The following LRIG1 variants were observed in gnomAD, a reference collection of about 807,000 sequenced individuals.
LRIG1 encodes the protein leucine rich repeats and immunoglobulin like domains 1.
Under a neutral mutation model 99.2 loss-of-function variants are expected in LRIG1, and 48 were observed. The observed-to-expected ratio is 0.48, with a 90% CI of 0.38 to 0.62. LRIG1 has a LOEUF of 0.62. Ranked by LOEUF, LRIG1 falls within the 20% of genes least tolerant of loss-of-function variation. The pLI, the probability that LRIG1 is intolerant of heterozygous loss-of-function variation, is 0.00. For missense variants in LRIG1, 1,646 were observed against 1,434.4 expected (o/e 1.15, Z -2.38); for synonymous variants, 772 against 596.1 (o/e 1.29, Z -4.30).
At chr3:66,425,094 G>T (rs1329782397) in intron 3 of LRIG1, among the ~76,000 whole-genome samples, 34 of 152,210 alleles carry the variant, frequency 2.2e-4, no homozygotes, top group Admixed American at 2.2e-3. Flanking sequence ...AGAAATTGAG[G>T]CTCAGAAGTC....
intron 16 of LRIG1, 137 bp downstream of exon 16, chr3:66,382,136 A>C: frequency 1.0e-6 from 1 of 953,350 alleles, no homozygotes; most frequent in South Asian, 1.5e-5. Context: ...AGCAGCCCTT[A>C]GTCATACCGC....
chr3:66,495,121 C>CA (rs1262909618), intron 1 of LRIG1, among the ~76,000 whole-genome samples: 5 of 152,144 alleles, frequency 3.3e-5, no homozygotes, highest in Non-Finnish European at 5.9e-5. Flanking sequence ...AACTGACATA[C>CA]AAGAACTGAA....
chr3:66,445,461 CCAG>C (rs980863779), intron 3 of LRIG1, among the ~76,000 whole-genome samples: 1 of 151,970 alleles, frequency 6.6e-6, no homozygotes, highest in Admixed American at 6.6e-5. Flanking sequence ...GGTGGAGGGA[CCAG>C]CAGATAATTC....
At position 66,383,044 on chromosome 3, in the gene LRIG1, A is replaced by G. The variant is rs1701174740; in HGVS notation, c.2429T>C (p.Val810Ala). 6.2e-7 allele frequency: 1 copy of G among 1,614,014 alleles called. No homozygotes were observed. Among genetic ancestry groups the G allele is most frequent in the African/African-American group, 1.3e-5 (1 of 74,910 alleles). Residue 810 changes from valine (V) to alanine (A), a missense_variant, in exon 15 of 19, where the codon GTC (valine) becomes GCC (alanine). Physicochemically the swap from Val to Ala is moderately conservative, Grantham distance 64. Coordinates refer to ENST00000273261, the MANE Select transcript of LRIG1 (RefSeq NM_015541.3). ...VVSSIVLTSL[V>A]WVCIIYQTRK... The stretch of plus-strand genomic sequence containing the variant: ...GGTCTGGTAGATGATGCACACCCAG[A>G]CCAGTGACGTCAGGACGATGCTGCT...
Position 66,407,584 on chromosome 3 carries a change from A to G in LRIG1, c.936-93T>C, listed in dbSNP as rs77375969. ...ATTGGGCCACAGTCAGCTGGGTTTC[A>G]GTGGGAAATGACACAGATGCACACG... On this transcript the variant is annotated intron_variant, in intron 7 of 18. Transcript: ENST00000273261. 1.7e-4 allele frequency: 249 copies of G among 1,459,264 alleles called. 4 individuals carry two copies. The East Asian group carries it at 5.7e-3, about 33-fold the overall frequency. The allele number at this position is 1,459,264 out of a possible 1,614,324, so 90.4% of individuals were successfully genotyped here.
chr3:66,401,190 A>G (rs1702038696), intron 9 of LRIG1, among the ~76,000 whole-genome samples: 1 of 152,254 alleles, frequency 6.6e-6, no homozygotes. Context: ...ACCTCTCTTC[A>G]GTCTGAAACT....
At chr3:66,404,567 G>A (rs981263767) in intron 9 of LRIG1, 5 of 249,196 alleles carry the variant, frequency 2.0e-5, no homozygotes, top group Non-Finnish European at 3.2e-5. Context: ...TGTAGTTTTG[G>A]GCGAAATCCC....
chr3:66,413,029 C>A lies in LRIG1; in HGVS notation c.648-15G>T, dbSNP rs759285712. ...GATTGAGGTCCCTAAAGAGATGAAG[C>A]CAGCAGGGTCAGAGTGTCTTATGTG... is the stretch of plus-strand genomic sequence containing the variant. On this transcript the variant is annotated splice_polypyrimidine_tract_variant and intron_variant, in intron 5 of 18. Coordinates refer to ENST00000273261, the MANE Select transcript of LRIG1 (RefSeq NM_015541.3). The A allele has an allele frequency of 6.2e-7, 1 of 1,614,134 alleles. No individual in the cohort carries two copies. Among genetic ancestry groups the A allele is most frequent in the East Asian group, 2.2e-5 (1 of 44,886 alleles).
At chr3:66,428,463 G>A (rs540942579) in intron 3 of LRIG1, among the ~76,000 whole-genome samples, 19 of 151,914 alleles carry the variant, frequency 1.3e-4, no homozygotes, top group African/African-American at 4.1e-4. Context: ...AATAAGTGAG[G>A]GCCTAATGAT....
At chr3:66,448,618 T>A (rs1393555841) in intron 3 of LRIG1, among the ~76,000 whole-genome samples, 1 of 152,194 alleles carries the variant, frequency 6.6e-6, no homozygotes, top group Non-Finnish European at 1.5e-5. Context: ...CACAACTACA[T>A]TAGAGACAGC....
chr3:66,426,437 C>CT (rs1468319970), intron 3 of LRIG1, among the ~76,000 whole-genome samples: 2 of 152,188 alleles, frequency 1.3e-5, no homozygotes, highest in African/African-American at 4.8e-5. Context: ...GACCCAGACT[C>CT]TAATTCTTGC....
At chr3:66,436,170 T>A (rs1703350652) in intron 3 of LRIG1, among the ~76,000 whole-genome samples, 1 of 152,200 alleles carries the variant, frequency 6.6e-6, no homozygotes, top group Admixed American at 6.5e-5. Context: ...GGGGTTGTCA[T>A]CCAGCCCTGT....
At chr3:66,495,145 T>C (rs545541971) in intron 1 of LRIG1, among the ~76,000 whole-genome samples, 25 of 152,332 alleles carry the variant, frequency 1.6e-4, no homozygotes, top group South Asian at 1.0e-3. Flanking sequence ...ATGAGGTAGA[T>C]AGAATGAACC....
intron 3 of LRIG1, among the ~76,000 whole-genome samples, chr3:66,449,758 T>C (rs1057326197): frequency 1.3e-5 from 2 of 152,176 alleles, no homozygotes; most frequent in African/African-American, 2.4e-5. Flanking sequence ...CCAGGGAGGC[T>C]CAGTTTCCTC....
At position 66,384,029 on chromosome 3, in the gene LRIG1, G is replaced by A; in HGVS notation, c.2033C>T (p.Ala678Val). 6.2e-7 allele frequency: 1 copy of A among 1,613,926 alleles called. No homozygotes were observed. Among genetic ancestry groups the A allele is most frequent in the Non-Finnish European group, 8.5e-7 (1 of 1,179,986 alleles). Residue 678 changes from alanine to valine, a missense_variant, in exon 14 of 19, where the codon GCC (alanine) becomes GTC (valine). By Grantham distance (64) the Ala-to-Val change is moderately conservative. Transcript: ENST00000273261. ...GGTGGCATTAGCTGAAATAGAACCG[G>A]CTGAGTTCTGAGCAGTACAGCTGTA... ...GVYSCTAQNS[A>V]GSISANATLT...
chr3:66,407,371 C>G lies in LRIG1; in HGVS notation c.1056G>C (p.Lys352Asn). Residue 352 changes from lysine (K) to asparagine (N), a missense_variant, in exon 8 of 19, where the codon AAG (lysine) becomes AAC (asparagine). Coordinates refer to ENST00000273261, the MANE Select transcript of LRIG1 (RefSeq NM_015541.3). ...ACAAGACTCGCAGGCTCCTGAGTCC[C>G]TTGAAGGCACCCTCCGCAATGTGGC... ...SISHIAEGAF[K>N]GLRSLRVLDL... 1 of 1,614,126 alleles carries G rather than the reference C, an allele frequency of 6.2e-7. No homozygotes were observed. The highest frequency in any genetic ancestry group is 2.2e-5 in the East Asian group (1 of 44,862).
chr3:66,500,219 G>A lies in LRIG1; in HGVS notation c.189C>T (p.Pro63=), dbSNP rs754762977. Residue 63 remains proline (P), a synonymous_variant, in exon 1 of 19, where the codon CCC becomes CCT. Transcript: ENST00000273261. ...TCCGCGTCCAGGAGGGCAGGTCCCC[G>A]GGCAACGCAGCCAGCCCGCGCCCAC... ...DCGGRGLAAL[P]GDLPSWTRSL... The A allele has an allele frequency of 2.3e-3, 3,462 of 1,513,630 alleles. 11 individuals carry two copies. Among genetic ancestry groups the A allele is most frequent in the Non-Finnish European group, 2.7e-3 (3,103 of 1,137,692 alleles). The allele number at this position is 1,513,630 out of a possible 1,614,324, so 93.8% of individuals were successfully genotyped here.
chr3:66,452,244 C>T (rs571225072), intron 2 of LRIG1, among the ~76,000 whole-genome samples: 8 of 152,334 alleles, frequency 5.3e-5, no homozygotes, highest in Admixed American at 1.3e-4. Context: ...TGCGCATAGA[C>T]ACTTTGAAAA....
Position 66,404,917 on chromosome 3 carries a change from T to C in LRIG1, c.1160+281A>G, listed in dbSNP as rs187467185. On this transcript the variant is annotated intron_variant, in intron 9 of 18. Transcript: ENST00000273261. ...GCAACAGCAAATTCAGCAGTTTTCA[T>C]GTGAGTTGTGAGTGAAGCCCAAGAG... is the stretch of plus-strand genomic sequence containing the variant. Among the ~76,000 whole-genome samples the C allele has an allele frequency of 2.6e-4, 39 of 152,262 alleles. 1 individual carries two copies. The East Asian group carries it at 6.2e-3, about 24-fold the overall frequency.
Sources: allele counts gnomAD v4.1 joint callset (sites outside exome capture counted in the v4.1 genomes callset), GRCh38; gene constraint gnomAD v4.1.1; transcripts MANE v1.5; gene names NCBI Gene and HGNC (gene_info 2026-07-23, HGNC 2026-07-21).